Variants in DELE1 observed in about 807,000 individuals in gnomAD.
DELE1 encodes the protein death ligand signal enhancer.
In DELE1, 54 loss-of-function variants were observed where a neutral mutation model predicts 59.3. The ratio of observed to expected loss-of-function variants is 0.91; its 90% CI spans 0.73 to 1.14. The LOEUF (loss-of-function observed/expected upper bound fraction) is 1.14. Among genes scored for constraint, DELE1 ranks in the 50% most tolerant of loss-of-function variants. DELE1 has a pLI of 0.00. For missense variants in DELE1, 636 were observed against 643.9 expected, an observed-to-expected ratio of 0.99 and a Z score of 0.13; for synonymous variants, 264 against 259.1, an observed-to-expected ratio of 1.02 and a Z score of -0.18.
chr5:141,938,949 G>A lies in DELE1; in HGVS notation c.*190G>A, dbSNP rs141238861. The A allele has an allele frequency of 9.4e-5, 133 of 1,417,970 alleles. No individual in the cohort carries two copies. Among genetic ancestry groups the A allele is most frequent in the South Asian group, 5.9e-4 (39 of 66,162 alleles). The allele number at this position is 1,417,970 out of a possible 1,614,324, so 87.8% of individuals were successfully genotyped here. A position where few individuals can be genotyped will look rare whatever the true frequency, so the allele number is the denominator to read the frequency against. ...CCCCGCTTGGTAGCCTCACAGATGA[G>A]TCTTGGATGCATTCACAGTCATTTC... is the stretch of plus-strand genomic sequence containing the variant. On this transcript the variant is annotated 3_prime_UTR_variant, in exon 12 of 12. Coordinates refer to ENST00000432126, the MANE Select transcript of DELE1 (RefSeq NM_014773.5).
Position 141,925,454 on chromosome 5 carries a change from A to G in DELE1, c.191A>G (p.His64Arg), listed in dbSNP as rs1751323039. ...GGCACGAGCGGGGGTCCAAGGTCCCATGGATGGAAGGATGCCTTCCAATGG... is the reference window on the plus strand; with the variant it reads ...GGCACGAGCGGGGGTCCAAGGTCCCGTGGATGGAAGGATGCCTTCCAATGG... ...GPGTSGGPRS[H>R]GWKDAFQWMS... The change falls in exon 3 of 12, where the codon CAT becomes CGT. Residue 64 changes from histidine to arginine, a missense_variant. Coordinates refer to ENST00000432126, the MANE Select transcript of DELE1 (RefSeq NM_014773.5). 9 of 1,604,174 alleles carry G rather than the reference A, an allele frequency of 5.6e-6. No homozygotes were observed. Among genetic ancestry groups the G allele is most frequent in the Non-Finnish European group, 7.7e-6 (9 of 1,175,604 alleles).
At chr5:141,925,678 G>A in intron 3 of DELE1, 151 bp downstream of exon 3, 1 of 484,552 alleles carries the variant, frequency 2.1e-6, no homozygotes, top group African/African-American at 2.0e-5. Flanking sequence ...AGGAGATATT[G>A]CCACTTTCCA....
In DELE1 at chr5:141,934,512, G is replaced by T; in HGVS notation, c.1075G>T (p.Val359Leu). ...ACCACAGGCCCAAGCTTTCCTCGGG[G>T]TGCTTTTCACCAAGGAGCCCTACCT... Reference protein sequence around the residue: ...GLREAQAFLGVLFTKEPYLDE... With the variant: ...GLREAQAFLGLLFTKEPYLDE... Residue 359 changes from valine to leucine, a missense_variant, in exon 10 of 12, where the codon GTG becomes TTG. Transcript: ENST00000432126. 1 of 1,614,230 alleles carries T rather than the reference G, an allele frequency of 6.2e-7. No homozygotes were observed. Among genetic ancestry groups the T allele is most frequent in the Non-Finnish European group, 8.5e-7 (1 of 1,180,040 alleles).
chr5:141,928,114 G>A (rs1751567834), intron 3 of DELE1, 37 bp from the exon 4 acceptor site: 1 of 1,599,064 alleles, frequency 6.3e-7, no homozygotes, highest in Non-Finnish European at 8.5e-7. Context: ...GAGTTGATTG[G>A]TGAAGGACCG....
chr5:141,938,423 A>G (rs1752536001), intron 11 of DELE1, 98 bp from the exon 12 acceptor site: 1 of 1,526,140 alleles, frequency 6.6e-7, no homozygotes, highest in Non-Finnish European at 8.8e-7. Context: ...GGAGTTAACA[A>G]TGCCTGGGGA....
chr5:141,929,519 T>C (rs1241135985), intron 4 of DELE1, 63 bp from the exon 5 acceptor site: 5 of 1,556,042 alleles, frequency 3.2e-6, no homozygotes, highest in Non-Finnish European at 4.4e-6. Context: ...CAAGGTGCTG[T>C]GATTATAGGT....
chr5:141,930,131 A>G, intron 6 of DELE1, 47 bp from the exon 7 acceptor site: 1 of 1,607,778 alleles, frequency 6.2e-7, no homozygotes, highest in East Asian at 2.2e-5. Flanking sequence ...GCAGGTGGCA[A>G]TCCTGGTAAA....
Position 141,930,085 on chromosome 5 carries a change from G to A in DELE1, c.657+11G>A. ...CCCACTGGTGAAAAGGTATTATCCAGATTTGGCCACCTGGATCCCCATAAC... is the reference window on the plus strand; with the variant it reads ...CCCACTGGTGAAAAGGTATTATCCAAATTTGGCCACCTGGATCCCCATAAC... On this transcript the variant is annotated intron_variant, in intron 6 of 11. Coordinates refer to ENST00000432126, the MANE Select transcript of DELE1 (RefSeq NM_014773.5). 1 of 1,613,816 alleles carries A rather than the reference G, an allele frequency of 6.2e-7. No homozygotes were observed. Among genetic ancestry groups the A allele is most frequent in the Non-Finnish European group, 8.5e-7 (1 of 1,179,756 alleles).
rs906815165 is a variant in DELE1, at chr5:141,923,880, C to T, written c.-62C>T. On this transcript the variant is annotated 5_prime_UTR_variant, in exon 1 of 12. Transcript: ENST00000432126. ...GGGGCATCGCGGCGGCCTTTCTAGC[C>T]GCTGTCCCAAGGGTTGGTCTCGCGC... is the stretch of plus-strand genomic sequence containing the variant. The T allele has an allele frequency of 6.4e-6, 10 of 1,561,356 alleles. No individual in the cohort carries two copies. In the Admixed American group the frequency reaches 9.6e-5, roughly 15 times the overall value.
chr5:141,931,746 A>ACT (rs1211442302), intron 7 of DELE1, among the ~76,000 whole-genome samples: 1 of 152,180 alleles, frequency 6.6e-6, no homozygotes, highest in Non-Finnish European at 1.5e-5. Flanking sequence ...GTGAGTTTTC[A>ACT]GGCAGCAAGG....
intron 11 of DELE1, 70 bp downstream of exon 11, chr5:141,937,427 G>A (rs1752451189): frequency 8.4e-6 from 13 of 1,546,898 alleles, no homozygotes; most frequent in Non-Finnish European, 1.1e-5. Context: ...TAAGTAGGTA[G>A]CAGTAGTCTC....
chr5:141,940,634 A>C lies in DELE1; in HGVS notation c.*1875A>C. The C allele has an allele frequency of 1.2e-5, 12 of 986,036 alleles. No homozygotes were observed. Among genetic ancestry groups the C allele is most frequent in the Non-Finnish European group, 1.4e-5 (12 of 830,326 alleles). 61.1% of individuals were successfully genotyped at this position (986,036 alleles called of 1,614,324 possible). A position where few individuals can be genotyped will look rare whatever the true frequency, so the allele number is the denominator to read the frequency against. ...GGGAGCCCAAGCGTCCTCTAGCTCC[A>C]TCTCCTCGCCTGCTCCCTGCCTCCT... On this transcript the variant is annotated 3_prime_UTR_variant, in exon 12 of 12. Coordinates refer to ENST00000432126, the MANE Select transcript of DELE1 (RefSeq NM_014773.5).
At chr5:141,937,401 A>G in intron 11 of DELE1, 44 bp downstream of exon 11, 1 of 1,603,650 alleles carries the variant, frequency 6.2e-7, no homozygotes. Flanking sequence ...CCCTGAGCTC[A>G]GTACTCTGTG....
At chr5:141,927,082 C>G (rs779946376) in intron 3 of DELE1, among the ~76,000 whole-genome samples, 2 of 152,182 alleles carry the variant, frequency 1.3e-5, no homozygotes, top group Admixed American at 6.5e-5. Context: ...TGGCATTTAA[C>G]ATCACTAGTA....
chr5:141,941,082 G>A lies in DELE1; in HGVS notation c.*2323G>A, dbSNP rs997139548. 46 of 985,332 alleles carry A rather than the reference G, an allele frequency of 4.7e-5. No individual in the cohort carries two copies. Among genetic ancestry groups the A allele is most frequent in the African/African-American group, 7.0e-5 (4 of 57,232 alleles). The allele number at this position is 985,332 out of a possible 1,614,324, so 61.0% of individuals were successfully genotyped here. A position where few individuals can be genotyped will look rare whatever the true frequency, so the allele number is the denominator to read the frequency against. On this transcript the variant is annotated 3_prime_UTR_variant, in exon 12 of 12. Transcript: ENST00000432126. ...TGAGCCTTCCTGGGGCACCCTCTGC[G>A]TGAAATGTCACCGTGTGCCCTCCCT...
chr5:141,933,194 A>C (rs1483133765), intron 7 of DELE1, 65 bp from the exon 8 acceptor site: 1 of 1,364,124 alleles, frequency 7.3e-7, no homozygotes, highest in Non-Finnish European at 9.8e-7. Flanking sequence ...GTCTGTAGGT[A>C]CCTGGCTGAG....
At chr5:141,924,532 G>T in intron 1 of DELE1, 49 bp from the exon 2 acceptor site, 1 of 1,070,990 alleles carries the variant, frequency 9.3e-7, no homozygotes, top group African/African-American at 1.6e-5. Flanking sequence ...AGATGACAGT[G>T]ATTCCTGGGT....
chr5:141,940,897 A>G lies in DELE1; in HGVS notation c.*2138A>G. ...CAAAAAAAGGTTTCTGTGGTTAAATAAGTTTGGGAAATGCTGCACCAGACG... is the reference window on the plus strand; with the variant it reads ...CAAAAAAAGGTTTCTGTGGTTAAATGAGTTTGGGAAATGCTGCACCAGACG... On this transcript the variant is annotated 3_prime_UTR_variant, in exon 12 of 12. Coordinates refer to ENST00000432126, the MANE Select transcript of DELE1 (RefSeq NM_014773.5). The G allele has an allele frequency of 1.0e-6, 1 of 984,034 alleles. No homozygotes were observed. The highest frequency in any genetic ancestry group is 1.2e-6 in the Non-Finnish European group (1 of 828,658). 61.0% of individuals were successfully genotyped at this position (984,034 alleles called of 1,614,324 possible).
rs894375783 is a variant in DELE1, at chr5:141,941,135, C to T, written c.*2376C>T. Reference sequence around the variant, plus strand: ...GGAGCCCCACTCCCCAGCCTCCTCCCCTCTGTGGTCATTTTGGATTTTCTG... The same window carrying T: ...GGAGCCCCACTCCCCAGCCTCCTCCTCTCTGTGGTCATTTTGGATTTTCTG... On this transcript the variant is annotated 3_prime_UTR_variant, in exon 12 of 12. Transcript: ENST00000432126. The T allele has an allele frequency of 1.0e-6, 1 of 985,358 alleles. No individual in the cohort carries two copies. The highest frequency in any genetic ancestry group is 1.2e-6 in the Non-Finnish European group (1 of 829,982). The allele number at this position is 985,358 out of a possible 1,614,324, so 61.0% of individuals were successfully genotyped here. A position where few individuals can be genotyped will look rare whatever the true frequency, so the allele number is the denominator to read the frequency against.
Sources: allele counts gnomAD v4.1 joint callset (sites outside exome capture counted in the v4.1 genomes callset), GRCh38; gene constraint gnomAD v4.1.1; transcripts MANE v1.5; gene names NCBI Gene and HGNC (gene_info 2026-07-23, HGNC 2026-07-21).